The following AMBRA1 variants were observed in gnomAD, a reference collection of about 807,000 sequenced individuals.
AMBRA1 encodes activating molecule in BECN1-regulated autophagy protein 1.
AMBRA1 carries 47 observed loss-of-function variants against 125.4 expected under a neutral mutation model. The observed-to-expected ratio is 0.37, with a 90% CI of 0.30 to 0.48. AMBRA1 has a LOEUF of 0.48. Among genes scored for constraint, AMBRA1 ranks in the 20% least tolerant of loss-of-function variants. The pLI is 0.99. For missense variants in AMBRA1, 1,331 were observed against 1,693.4 expected (o/e 0.79, Z 3.76); for synonymous variants, 626 against 655.5 (o/e 0.95, Z 0.69).
intron 7 of AMBRA1, among the ~76,000 whole-genome samples, chr11:46,538,732 A>G (rs1348156693): frequency 6.6e-6 from 1 of 152,164 alleles, no homozygotes. Context: ...TCCTGACCTC[A>G]GGCAATCTGC....
intron 5 of AMBRA1, 75 bp from the exon 6 acceptor site, chr11:46,544,116 G>C (rs1952884759): frequency 8.3e-7 from 1 of 1,208,010 alleles, no homozygotes; most frequent in South Asian, 1.3e-5. Context: ...ACTTGTGTTT[G>C]AATTTATAGC....
At chr11:46,571,687 C>CTT (rs543760300) in intron 1 of AMBRA1, among the ~76,000 whole-genome samples, 25 of 123,898 alleles carry the variant, frequency 2.0e-4, no homozygotes, top group Admixed American at 2.6e-4. Flanking sequence ...ATCAATCAAT[C>CTT]TTTTTTTTTT....
At chr11:46,405,566 T>C (rs1945970368) in intron 17 of AMBRA1, among the ~76,000 whole-genome samples, 1 of 151,374 alleles carries the variant, frequency 6.6e-6, no homozygotes, top group Admixed American at 6.6e-5. Flanking sequence ...AAAAAAATAA[T>C]GATTAAAAAA....
chr11:46,506,898 G>A (rs944601437), intron 9 of AMBRA1, among the ~76,000 whole-genome samples: 1 of 151,788 alleles, frequency 6.6e-6, no homozygotes, highest in African/African-American at 2.4e-5. Context: ...GGGCGTGGTT[G>A]CTCACACCTA....
intron 11 of AMBRA1, among the ~76,000 whole-genome samples, chr11:46,462,201 C>T (rs151337271): frequency 3.7e-4 from 57 of 152,256 alleles, no homozygotes; most frequent in Middle Eastern, 3.4e-3. Flanking sequence ...GTTAGGGATG[C>T]GCGTAAACAA....
At chr11:46,518,887 T>C (rs1434968388) in intron 7 of AMBRA1, among the ~76,000 whole-genome samples, 1 of 152,252 alleles carries the variant, frequency 6.6e-6, no homozygotes, top group Non-Finnish European at 1.5e-5. Context: ...TTCTGAGTTA[T>C]GTGCAAAGAA....
chr11:46,501,471 C>G lies in AMBRA1; in HGVS notation c.2339+6720G>C, dbSNP rs192230197. Reference sequence around the variant, plus strand: ...ACCTGTGAGCCAGAATGGGAATAAGCAGGTTGGAAAATAAATGAATACAAA... The same window carrying G: ...ACCTGTGAGCCAGAATGGGAATAAGGAGGTTGGAAAATAAATGAATACAAA... On this transcript the variant is annotated intron_variant, in intron 9 of 17. Coordinates refer to ENST00000683756, the MANE Select transcript of AMBRA1 (RefSeq NM_001387011.1). 1.7e-3 allele frequency among the ~76,000 whole-genome samples: 257 copies of G among 152,300 alleles called. 1 individual carries two copies. Among genetic ancestry groups the G allele is most frequent in the African/African-American group, 6.0e-3 (248 of 41,570 alleles).
chr11:46,571,318 CT>C (rs1005442447), intron 1 of AMBRA1, among the ~76,000 whole-genome samples: 6 of 152,086 alleles, frequency 3.9e-5, no homozygotes, highest in Non-Finnish European at 8.8e-5. Context: ...GTATCTTTAA[CT>C]TTTTTGTCAA....
chr11:46,449,997 T>C (rs1948494654), intron 11 of AMBRA1, among the ~76,000 whole-genome samples: 1 of 149,732 alleles, frequency 6.7e-6, no homozygotes, highest in South Asian at 2.1e-4. Flanking sequence ...AGGTGGAGCT[T>C]GCAGTGAGTC....
chr11:46,431,960 G>C (rs951378826), intron 14 of AMBRA1, among the ~76,000 whole-genome samples: 1 of 152,110 alleles, frequency 6.6e-6, no homozygotes, highest in Admixed American at 6.5e-5. Context: ...AGCTTGGTGG[G>C]ACATGATGTT....
At chr11:46,478,924 C>G (rs529170735) in intron 11 of AMBRA1, among the ~76,000 whole-genome samples, 1 of 152,158 alleles carries the variant, frequency 6.6e-6, no homozygotes, top group Admixed American at 6.5e-5. Flanking sequence ...TTGTGCTGGA[C>G]GCAGTGGCTC....
intron 11 of AMBRA1, among the ~76,000 whole-genome samples, chr11:46,445,065 GA>G (rs1196067258): frequency 1.1e-5 from 1 of 93,310 alleles, no homozygotes; most frequent in African/African-American, 4.0e-5. Context: ...GCAAAAAAAA[GA>G]AAAACAAAAA....
rs564581963 is a variant in AMBRA1, at chr11:46,574,510, GTTGT to G, written c.-121+19314_-121+19317del. On this transcript the variant is annotated intron_variant, in intron 1 of 17. Coordinates refer to ENST00000683756, the MANE Select transcript of AMBRA1 (RefSeq NM_001387011.1). Reference sequence around the variant, plus strand: ...TGTCCTTCGCCCACTTTTTGATGGGGTTGTTTGTTTTTTTCTTGTAAATTTGTTT... The same window carrying G: ...TGTCCTTCGCCCACTTTTTGATGGGGTTGTTTTTTTCTTGTAAATTTGTTT... 4.9e-4 allele frequency among the ~76,000 whole-genome samples: 74 copies of G among 151,844 alleles called. 1 individual carries two copies. Among genetic ancestry groups the G allele is most frequent in the East Asian group, 1.4e-3 (7 of 5,182 alleles).
rs187648601 is a variant in AMBRA1 at position 46,550,866 on chromosome 11, C to T, written c.-120-2366G>A. ...CTTTGGGAGGCCGAGACGGGCGGATCGCGAGGTCAGGAGATCGAGACCATC... is the reference window on the plus strand; with the variant it reads ...CTTTGGGAGGCCGAGACGGGCGGATTGCGAGGTCAGGAGATCGAGACCATC... On this transcript the variant is annotated intron_variant, in intron 1 of 17. Transcript: ENST00000683756. Among the ~76,000 whole-genome samples, 23 of 150,364 alleles carry T rather than the reference C, an allele frequency of 1.5e-4. 3 individuals carry two copies. Among genetic ancestry groups the T allele is most frequent in the Admixed American group, 1.3e-3 (19 of 15,022 alleles).
At chr11:46,402,358 ATTTAT>A (rs1434932894) in intron 17 of AMBRA1, among the ~76,000 whole-genome samples, 1 of 152,154 alleles carries the variant, frequency 6.6e-6, no homozygotes, top group African/African-American at 2.4e-5. Context: ...TGGGAGAAGC[ATTTAT>A]TTTATTTTAT....
chr11:46,581,877 G>C lies in AMBRA1; in HGVS notation c.-121+11951C>G, dbSNP rs2044186896. ...TGCCTGTAATTTCACCACTATGAGAGGCCAAGGTGGGGAAGGAGCTCTTGA... is the reference window on the plus strand; with the variant it reads ...TGCCTGTAATTTCACCACTATGAGACGCCAAGGTGGGGAAGGAGCTCTTGA... On this transcript the variant is annotated intron_variant, in intron 1 of 17. Transcript: ENST00000683756. Among the ~76,000 whole-genome samples, 2 of 151,612 alleles carry C rather than the reference G, an allele frequency of 1.3e-5. 1 individual carries two copies. The highest frequency in any genetic ancestry group is 4.2e-4 in the South Asian group (2 of 4,806).
At position 46,401,233 on chromosome 11, in the gene AMBRA1, T is replaced by G. The variant is rs1259876712; in HGVS notation, c.3404-3290A>C. Among the ~76,000 whole-genome samples, 10 of 145,008 alleles carry G rather than the reference T, an allele frequency of 6.9e-5. No homozygotes were observed. The Admixed American group carries it at 7.2e-4, about 10-fold the overall frequency. On this transcript the variant is annotated intron_variant, in intron 17 of 17. Transcript: ENST00000683756. ...TTGGAGTGCACTGTGCCAGGCGCTG[T>G]GCCTAGTGAATTCTCAGCTCTTTTC...
chr11:46,439,795 A>C (rs980734508), intron 12 of AMBRA1, among the ~76,000 whole-genome samples: 5 of 152,244 alleles, frequency 3.3e-5, no homozygotes, highest in African/African-American at 1.2e-4. Context: ...ACACAACAGA[A>C]AAATTGGTAA....
In AMBRA1 at chr11:46,434,871, T is replaced by C; in HGVS notation, c.2799A>G (p.Glu933=). The C allele has an allele frequency of 6.2e-7, 1 of 1,611,098 alleles. No individual in the cohort carries two copies. Among genetic ancestry groups the C allele is most frequent in the Non-Finnish European group, 8.5e-7 (1 of 1,178,822 alleles). ...TACCAAATCGCTTGGTGTAGAGCAT[T>C]TCGCCCAGGTTATGGGGGGCCAGGG... The part of the protein sequence containing the change: ...VYSLAPHNLG[E]MLYTKRFGPN... The change falls in exon 13 of 18, where the codon GAA becomes GAG. Residue 933 remains glutamate, a synonymous_variant. Transcript: ENST00000683756.
Sources: allele counts gnomAD v4.1 joint callset (sites outside exome capture counted in the v4.1 genomes callset), GRCh38; gene constraint gnomAD v4.1.1; transcripts MANE v1.5; gene names NCBI Gene and HGNC (gene_info 2026-07-23, HGNC 2026-07-21).